The following TPH1 variants were observed in gnomAD, a reference collection of about 807,000 sequenced individuals.
TPH1 encodes the protein tryptophan 5-hydroxylase 1.
In TPH1, 37 loss-of-function variants were observed where a neutral mutation model predicts 49.5. The observed-to-expected ratio is 0.75, with a 90% CI of 0.58 to 0.98. The LOEUF is 0.98. TPH1 is among the 50% of genes least tolerant of loss of function. The pLI is 0.00. For synonymous variants in TPH1, 160 were observed against 182.1 expected, an observed-to-expected ratio of 0.88 and a Z score of 0.98; for missense variants, 487 against 523.6, an observed-to-expected ratio of 0.93 and a Z score of 0.68.
chr11:18,031,758 G>A (rs1285267501), intron 4 of TPH1, among the ~76,000 whole-genome samples: 1 of 152,088 alleles, frequency 6.6e-6, no homozygotes, highest in Non-Finnish European at 1.5e-5. Flanking sequence ...TGCTCATATT[G>A]TTCCCTCCTG....
Position 18,039,989 on chromosome 11 carries a change from T to TA in TPH1, c.117+656dup, listed in dbSNP as rs1296139820. Among the ~76,000 whole-genome samples the TA allele has an allele frequency of 3.3e-5, 5 of 151,910 alleles. No individual in the cohort carries two copies. In the East Asian group the frequency reaches 7.7e-4, roughly 23 times the overall value. On this transcript the variant is annotated intron_variant, in intron 2 of 10. Transcript: ENST00000682019. ...CTCCAATGCAATGAAGTTCTGACAA[T>TA]AGGAGACACTGTCATTATAGAATCT...
At chr11:18,038,099 A>G (rs1034250667) in intron 2 of TPH1, among the ~76,000 whole-genome samples, 8 of 152,232 alleles carry the variant, frequency 5.3e-5, no homozygotes, top group Non-Finnish European at 1.0e-4. Context: ...TGAAGAGGCC[A>G]TCGGAAGGGG....
chr11:18,028,743 A>G (rs1458154545), intron 6 of TPH1, among the ~76,000 whole-genome samples: 1 of 152,142 alleles, frequency 6.6e-6, no homozygotes, highest in African/African-American at 2.4e-5. Flanking sequence ...CTGACCTCCC[A>G]TATCACTACG....
intron 1 of TPH1, chr11:18,042,306 A>G (rs1848104957): frequency 4.5e-6 from 2 of 448,338 alleles, no homozygotes; most frequent in South Asian, 3.2e-5. Flanking sequence ...GGATGGCCTC[A>G]GATAAGCATT....
At chr11:18,035,076 C>A (rs903865545) in intron 3 of TPH1, among the ~76,000 whole-genome samples, 2 of 152,250 alleles carry the variant, frequency 1.3e-5, no homozygotes, top group Non-Finnish European at 2.9e-5. Flanking sequence ...CGGTAAGGAT[C>A]GCCGGGCCTG....
Position 18,020,930 on chromosome 11 carries a change from A to G in TPH1, c.*61T>C, listed in dbSNP as rs1191891199. ...CCTCCAGGATCAGGTGTTCAAGGAA[A>G]GCAAGAGATGGCCCAGACCTCCGAA... is the stretch of plus-strand genomic sequence containing the variant. On this transcript the variant is annotated 3_prime_UTR_variant, in exon 11 of 11. Transcript: ENST00000682019. 3.9e-6 allele frequency: 6 copies of G among 1,540,752 alleles called. No homozygotes were observed. In the African/African-American group the frequency reaches 8.2e-5, roughly 21 times the overall value.
intron 1 of TPH1, among the ~76,000 whole-genome samples, chr11:18,044,888 C>T (rs1251039488): frequency 6.6e-6 from 1 of 152,184 alleles, no homozygotes; most frequent in African/African-American, 2.4e-5. Context: ...TCAGCTAATA[C>T]CAACTGGTAC....
chr11:18,035,430 TTC>T (rs1848037249), intron 3 of TPH1, among the ~76,000 whole-genome samples: 2 of 130,334 alleles, frequency 1.5e-5, no homozygotes, highest in Admixed American at 1.6e-4. Flanking sequence ...TCTCTTTCCT[TTC>T]TTTTTTTTTT....
rs57390279 is a variant in TPH1 at position 18,018,665 on chromosome 11, C to CAAAAAAAAAAAAAAAA, written c.*2310_*2325dup. Reference sequence around the variant, plus strand: ...TGGGCGACAGAGCAAGACTCCGTCTCAAAAAAAAAAAAAAAAAAAAAAAAA... The same window carrying CAAAAAAAAAAAAAAAA: ...TGGGCGACAGAGCAAGACTCCGTCTCAAAAAAAAAAAAAAAAAAAAAAAAAAAAAAAAAAAAAAAAA... On this transcript the variant is annotated 3_prime_UTR_variant, in exon 11 of 11. Coordinates refer to ENST00000682019, the MANE Select transcript of TPH1 (RefSeq NM_004179.3). 1.3e-4 allele frequency: 5 copies of CAAAAAAAAAAAAAAAA among 37,038 alleles called. No individual in the cohort carries two copies. Among genetic ancestry groups the CAAAAAAAAAAAAAAAA allele is most frequent in the African/African-American group, 2.0e-4 (2 of 10,222 alleles). 2.3% of individuals were successfully genotyped at this position (37,038 alleles called of 1,614,324 possible).
chr11:18,041,380 C>T (rs545047474), intron 1 of TPH1: 1 of 152,728 alleles, frequency 6.5e-6, no homozygotes, highest in African/African-American at 2.4e-5. Context: ...TCTTCTTAAC[C>T]ACCTATTTAC....
In TPH1 at chr11:18,040,794, G is replaced by T. The variant is rs767550129; in HGVS notation, c.-26-6C>A. 4 of 1,606,034 alleles carry T rather than the reference G, an allele frequency of 2.5e-6. No individual in the cohort carries two copies. The highest frequency in any genetic ancestry group is 2.2e-5 in the South Asian group (2 of 90,736). Reference sequence around the variant, plus strand: ...TTTGGAGTAATTCTCTAAAACTAAAGTATGAAAACAAAGACTACGGGCTAA... The same window carrying T: ...TTTGGAGTAATTCTCTAAAACTAAATTATGAAAACAAAGACTACGGGCTAA... On this transcript the variant is annotated splice_region_variant and splice_polypyrimidine_tract_variant and intron_variant, in intron 1 of 10. Transcript: ENST00000682019.
Position 18,036,171 on chromosome 11 carries a change from T to G in TPH1, c.118-29A>C, listed in dbSNP as rs200082539. 272 of 1,557,432 alleles carry G rather than the reference T, an allele frequency of 1.7e-4. No homozygotes were observed. In the African/African-American group the frequency reaches 3.3e-3, roughly 19 times the overall value. On this transcript the variant is annotated intron_variant, in intron 2 of 10. Transcript: ENST00000682019. ...TGTAAAGCACAGGGAAAAGATTTCA[T>G]GTAACTGCCTCAAATGTTAATAGTC...
chr11:18,029,519 AG>A lies in TPH1; in HGVS notation c.462del (p.Tyr155IlefsTer67). ...RRKYFADLAM[N>X]YKHGDPIPKV... is the part of the protein sequence containing the mutation. ...TTTTTTAAATATACTTACTGTTTATAGTTCATAGCCAAGTCCGCAAAATACT... is the reference window on the plus strand; with the variant it reads ...TTTTTTAAATATACTTACTGTTTATATTCATAGCCAAGTCCGCAAAATACT... On this transcript the variant is annotated frameshift_variant, in exon 5 of 11. Coordinates refer to ENST00000682019, the MANE Select transcript of TPH1 (RefSeq NM_004179.3). LOFTEE classifies it high-confidence loss of function. 1 of 1,610,904 alleles carries A rather than the reference AG, an allele frequency of 6.2e-7. No individual in the cohort carries two copies. The highest frequency in any genetic ancestry group is 8.5e-7 in the Non-Finnish European group (1 of 1,177,534).
At chr11:18,035,128 C>T (rs565330514) in intron 3 of TPH1, among the ~76,000 whole-genome samples, 17 of 152,336 alleles carry the variant, frequency 1.1e-4, no homozygotes, top group Middle Eastern at 3.4e-3. Context: ...TAACAGGCCA[C>T]GGACGAGTCC....
chr11:18,023,817 C>G, intron 9 of TPH1, 71 bp downstream of exon 9: 1 of 1,280,412 alleles, frequency 7.8e-7, no homozygotes. Flanking sequence ...TGTTCAAAAG[C>G]AAAAACTATT....
At chr11:18,028,962 G>A (rs1233830801) in intron 6 of TPH1, among the ~76,000 whole-genome samples, 5 of 151,536 alleles carry the variant, frequency 3.3e-5, no homozygotes, top group Non-Finnish European at 7.4e-5. Flanking sequence ...CACTTTGGGA[G>A]GCCATGGCAA....
At chr11:18,025,341 ACTCTT>A (rs1210712064) in intron 8 of TPH1, among the ~76,000 whole-genome samples, 11 of 150,522 alleles carry the variant, frequency 7.3e-5, no homozygotes, top group Admixed American at 2.0e-4. Context: ...TCCTTTCTTT[ACTCTT>A]CTCTTCTCTT....
At chr11:18,030,622 T>A (rs926047786) in intron 4 of TPH1, among the ~76,000 whole-genome samples, 2 of 152,144 alleles carry the variant, frequency 1.3e-5, no homozygotes, top group Non-Finnish European at 2.9e-5. Flanking sequence ...GGAGTTTACA[T>A]GAACCTGTTA....
chr11:18,035,956 T>A lies in TPH1; in HGVS notation c.301+3A>T, dbSNP rs191545167. ...AAGTAGTATTTTCACATTTTGAACT[T>A]ACCATCTTCCTTCAAAGTAAAATTA... is the stretch of plus-strand genomic sequence containing the variant. On this transcript the variant is annotated splice_donor_region_variant and intron_variant, in intron 3 of 10. Transcript: ENST00000682019. 1 of 1,609,254 alleles carries A rather than the reference T, an allele frequency of 6.2e-7. No homozygotes were observed.
Sources: gnomAD v4.1 joint callset for allele counts (sites outside exome capture counted in the v4.1 genomes callset) on GRCh38, gnomAD v4.1.1 for gene constraint, MANE v1.5 for transcripts, NCBI Gene and HGNC (gene_info 2026-07-23, HGNC 2026-07-21) for gene names.